The following EYS variants were observed in gnomAD, a reference collection of about 807,000 sequenced individuals.
EYS encodes the protein protein eyes shut homolog.
EYS carries 250 observed loss-of-function variants against 282.1 expected under a neutral mutation model. The ratio of observed to expected loss-of-function variants is 0.89; its 90% CI spans 0.80 to 0.98. The LOEUF is 0.98. EYS is among the 50% of genes least tolerant of loss of function. EYS has a pLI of 0.00. For synonymous variants in EYS, 1,355 were observed against 1,282.9 expected (o/e 1.06, Z -1.20); for missense variants, 4,016 against 3,709.0 (o/e 1.08, Z -2.15).
rs142568796 is a variant in EYS at position 64,755,712 on chromosome 6, G to C, written c.3443+57666C>G. 1.1e-3 allele frequency among the ~76,000 whole-genome samples: 161 copies of C among 152,198 alleles called. 1 individual carries two copies. Among genetic ancestry groups the C allele is most frequent in the Middle Eastern group, 3.4e-3 (1 of 294 alleles). Reference sequence around the variant, plus strand: ...AATAATGTGTACACAGGGGCATAGAGAGTGGAATAATAGACACTGGGAACT... The same window carrying C: ...AATAATGTGTACACAGGGGCATAGACAGTGGAATAATAGACACTGGGAACT... On this transcript the variant is annotated intron_variant, in intron 22 of 42. Transcript: ENST00000503581.
rs191946856 is a variant in EYS, at chr6:64,997,651, A to C, written c.2190T>G (p.Cys730Trp). Residue 730 changes from cysteine to tryptophan, a missense_variant, in exon 14 of 43, where the codon TGT becomes TGG. Physicochemically the swap from Cys to Trp is radical, Grantham distance 215. Coordinates refer to ENST00000503581, the MANE Select transcript of EYS (RefSeq NM_001142800.2). ...LCNPGYVGIR[C>W]EQDIDDCILN... Reference sequence around the variant, plus strand: ...GGATGCAGTCATCAATGTCCTGTTCACATCTTATCCCAACATAGCCTGGAT... The same window carrying C: ...GGATGCAGTCATCAATGTCCTGTTCCCATCTTATCCCAACATAGCCTGGAT... 1 of 1,551,266 alleles carries C rather than the reference A, an allele frequency of 6.4e-7. No individual in the cohort carries two copies. Among genetic ancestry groups the C allele is most frequent in the Non-Finnish European group, 8.7e-7 (1 of 1,146,606 alleles).
intron 22 of EYS, among the ~76,000 whole-genome samples, chr6:64,686,742 A>AAT (rs758136941): frequency 0.12 from 4,150 of 33,792 alleles, 696 homozygotes; most frequent in African/African-American, 0.25. Flanking sequence ...ATTCCATCTA[A>AAT]ATATATATAT....
intron 29 of EYS, among the ~76,000 whole-genome samples, chr6:64,360,183 T>C (rs1037478834): frequency 6.6e-6 from 1 of 151,772 alleles, no homozygotes; most frequent in African/African-American, 2.4e-5. Context: ...ATGTAGATAC[T>C]ATCCCAAAAA....
chr6:65,049,717 T>A (rs982283976), intron 13 of EYS, among the ~76,000 whole-genome samples: 1 of 151,766 alleles, frequency 6.6e-6, no homozygotes, highest in Admixed American at 6.6e-5. Context: ...AACTTAATTA[T>A]AATTTTGTCT....
intron 12 of EYS, among the ~76,000 whole-genome samples, chr6:65,170,869 T>C (rs1489189268): frequency 2.0e-5 from 3 of 151,446 alleles, no homozygotes; most frequent in Non-Finnish European, 4.4e-5. Flanking sequence ...GAATATCCAA[T>C]AACAAAAATG....
At chr6:64,821,042 G>T (rs1321318930) in intron 21 of EYS, among the ~76,000 whole-genome samples, 4 of 151,468 alleles carry the variant, frequency 2.6e-5, no homozygotes, top group African/African-American at 9.7e-5. Flanking sequence ...ATTCCAAAAG[G>T]CTCACAAGAT....
At chr6:63,804,345 T>G in intron 37 of EYS, among the ~76,000 whole-genome samples, 1 of 152,212 alleles carries the variant, frequency 6.6e-6, no homozygotes, top group South Asian at 2.1e-4. Context: ...GAGCTTCCCA[T>G]GTATTAAGTT....
At chr6:64,774,005 A>G (rs1466051959) in intron 22 of EYS, among the ~76,000 whole-genome samples, 1 of 152,024 alleles carries the variant, frequency 6.6e-6, no homozygotes, top group East Asian at 1.9e-4. Flanking sequence ...AAACTTTGCC[A>G]GATCCTATGT....
intron 27 of EYS, among the ~76,000 whole-genome samples, chr6:64,438,626 A>G (rs1774829719): frequency 6.7e-6 from 1 of 149,952 alleles, no homozygotes; most frequent in Non-Finnish European, 1.5e-5. Context: ...TGGTCAATAA[A>G]GAAGTAGAAG....
intron 2 of EYS, among the ~76,000 whole-genome samples, chr6:65,545,938 A>C (rs1768368014): frequency 6.6e-6 from 1 of 152,032 alleles, no homozygotes. Context: ...TTTAGTATTT[A>C]TATTATTTAG....
intron 40 of EYS, among the ~76,000 whole-genome samples, chr6:63,772,406 A>G (rs1476592480): frequency 6.6e-6 from 1 of 152,136 alleles, no homozygotes; most frequent in Non-Finnish European, 1.5e-5. Flanking sequence ...CTAGTTCCTA[A>G]TGATTAATGT....
intron 22 of EYS, among the ~76,000 whole-genome samples, chr6:64,701,522 C>A (rs1440939967): frequency 1.3e-5 from 2 of 152,056 alleles, no homozygotes; most frequent in African/African-American, 4.8e-5. Context: ...CAGCACTATT[C>A]ACATGCCTTT....
intron 31 of EYS, among the ~76,000 whole-genome samples, chr6:64,206,664 G>A (rs1386992910): frequency 3.9e-5 from 6 of 152,192 alleles, no homozygotes; most frequent in Non-Finnish European, 8.8e-5. Context: ...TGAGAGGGCT[G>A]TTGTGTTACT....
chr6:64,494,442 C>A (rs560938072), intron 26 of EYS, among the ~76,000 whole-genome samples: 1 of 151,672 alleles, frequency 6.6e-6, no homozygotes, highest in Non-Finnish European at 1.5e-5. Context: ...CCTTCATATA[C>A]TGTGTACAGT....
chr6:65,525,387 C>A (rs1190719416), intron 2 of EYS, among the ~76,000 whole-genome samples: 1 of 152,152 alleles, frequency 6.6e-6, no homozygotes, highest in Non-Finnish European at 1.5e-5. Context: ...CACCTCTTAC[C>A]AGACCTCCTC....
intron 22 of EYS, among the ~76,000 whole-genome samples, chr6:64,693,920 C>A (rs1411055178): frequency 6.6e-6 from 1 of 151,996 alleles, no homozygotes; most frequent in Non-Finnish European, 1.5e-5. Context: ...TACATTTATA[C>A]ATAAGTGATG....
intron 22 of EYS, among the ~76,000 whole-genome samples, chr6:64,780,785 CA>C (rs1392131319): frequency 6.6e-6 from 1 of 152,066 alleles, no homozygotes; most frequent in East Asian, 1.9e-4. Flanking sequence ...TAATTCTTGC[CA>C]AAAATATTCT....
At chr6:63,891,835 T>C (rs990765494) in intron 35 of EYS, among the ~76,000 whole-genome samples, 6 of 152,204 alleles carry the variant, frequency 3.9e-5, no homozygotes, top group African/African-American at 1.4e-4. Context: ...GAAAACCCCA[T>C]TGTCTCAGCC....
At chr6:63,908,209 A>G (rs1773832227) in intron 35 of EYS, among the ~76,000 whole-genome samples, 1 of 151,746 alleles carries the variant, frequency 6.6e-6, no homozygotes, top group Non-Finnish European at 1.5e-5. Flanking sequence ...CAAGCATATG[A>G]AAAAATACTC....
Sources: gnomAD v4.1 joint callset for allele counts (sites outside exome capture counted in the v4.1 genomes callset) on GRCh38, gnomAD v4.1.1 for gene constraint, MANE v1.5 for transcripts, NCBI Gene and HGNC (gene_info 2026-07-23, HGNC 2026-07-21) for gene names.